CREB5: variants seen among roughly 807,000 people sequenced by gnomAD.
CREB5 encodes cAMP responsive element binding protein 5.
A neutral mutation model predicts 57.1 loss-of-function variants in CREB5; 19 were observed. The ratio of observed to expected loss-of-function variants is 0.33; its 90% CI spans 0.23 to 0.49. The LOEUF (loss-of-function observed/expected upper bound fraction) is 0.49, where lower values mean the gene tolerates loss of function less well. Among genes scored for constraint, CREB5 ranks in the 20% least tolerant of loss-of-function variants. CREB5 has a pLI of 0.99. For synonymous variants in CREB5, 238 were observed against 238.3 expected (o/e 1.00, Z 0.01); for missense variants, 579 against 671.6 (o/e 0.86, Z 1.52).
chr7:28,584,873 T>TA (rs1796253281), intron 5 of CREB5, among the ~76,000 whole-genome samples: 1 of 151,698 alleles, frequency 6.6e-6, no homozygotes, highest in Non-Finnish European at 1.5e-5. Flanking sequence ...CAACTAAAAA[T>TA]AAAAACAAGA....
At chr7:28,672,799 A>G (rs1480974987) in intron 5 of CREB5, among the ~76,000 whole-genome samples, 3 of 152,194 alleles carry the variant, frequency 2.0e-5, no homozygotes, top group Admixed American at 6.5e-5. Flanking sequence ...ACTTCTCCCT[A>G]GTTCAGTTTT....
At chr7:28,540,497 G>A (rs552168401) in intron 4 of CREB5, among the ~76,000 whole-genome samples, 4 of 152,222 alleles carry the variant, frequency 2.6e-5, no homozygotes, top group Non-Finnish European at 2.9e-5. Context: ...CAAGGGATAC[G>A]GGAGGAGGCT....
intron 1 of CREB5, among the ~76,000 whole-genome samples, chr7:28,424,443 G>GA (rs1305686550): frequency 6.6e-6 from 1 of 152,128 alleles, no homozygotes. Flanking sequence ...TAGATCCCTG[G>GA]AAAAACCTGG....
chr7:28,806,175 TACCAATTA>T (rs1808720568), intron 8 of CREB5, among the ~76,000 whole-genome samples: 1 of 152,224 alleles, frequency 6.6e-6, no homozygotes, highest in African/African-American at 2.4e-5. Context: ...ACTAGCTAAT[TACCAATTA>T]GCCAATTGCC....
chr7:28,809,253 C>G lies in CREB5; in HGVS notation c.1093C>G (p.Arg365Gly). The G allele has an allele frequency of 6.2e-7, 1 of 1,614,106 alleles. No individual in the cohort carries two copies. Among genetic ancestry groups the G allele is most frequent in the Non-Finnish European group, 8.5e-7 (1 of 1,180,010 alleles). The change falls in exon 9 of 11, where the codon CGC becomes GGC. Residue 365 changes from arginine to glycine, a missense_variant. Arg to Gly is a moderately radical substitution (Grantham distance 125, BLOSUM62 -2). Transcript: ENST00000357727. ...TIQPPQPTGG[R>G]RRRVVDEDPD... ...ACAGCCACCCCAGCCCACAGGGGGG[C>G]GCCGGCGAAGGGTGGTAGACGAGGA...
intron 1 of CREB5, among the ~76,000 whole-genome samples, chr7:28,365,736 C>T (rs1355569133): frequency 6.6e-6 from 1 of 152,200 alleles, no homozygotes; most frequent in Non-Finnish European, 1.5e-5. Context: ...AATCCAAATG[C>T]ATTCCCATTT....
intron 1 of CREB5, among the ~76,000 whole-genome samples, chr7:28,371,840 C>A (rs1464235184): frequency 2.0e-5 from 3 of 152,002 alleles, no homozygotes; most frequent in Non-Finnish European, 4.4e-5. Flanking sequence ...GCCACCTGAG[C>A]GCTTGTGACT....
chr7:28,790,531 A>G (rs1381119159), intron 7 of CREB5, among the ~76,000 whole-genome samples: 1 of 152,150 alleles, frequency 6.6e-6, no homozygotes, highest in Non-Finnish European at 1.5e-5. Flanking sequence ...AAAGGGAAAA[A>G]CTAGCAGGCA....
At chr7:28,560,849 T>TGCGTGCGCGCGTGC (rs1342485250) in intron 4 of CREB5, among the ~76,000 whole-genome samples, 1 of 87,136 alleles carries the variant, frequency 1.1e-5, no homozygotes, top group East Asian at 3.1e-4. Flanking sequence ...TGTGTGCGCG[T>TGCGTGCGCGCGTGC]GTGTGTGTGC....
intron 7 of CREB5, among the ~76,000 whole-genome samples, chr7:28,730,128 C>T (rs916168463): frequency 1.3e-5 from 2 of 152,188 alleles, no homozygotes; most frequent in African/African-American, 4.8e-5. Flanking sequence ...CTATGTTAAG[C>T]ATCTTGCAAT....
chr7:28,708,701 T>C (rs945001645), intron 5 of CREB5, among the ~76,000 whole-genome samples: 3 of 152,194 alleles, frequency 2.0e-5, no homozygotes, highest in Admixed American at 1.3e-4. Context: ...TATTGGAAGA[T>C]TGTGCTAGGT....
At chr7:28,359,754 C>A (rs981894345) in intron 1 of CREB5, among the ~76,000 whole-genome samples, 1 of 151,522 alleles carries the variant, frequency 6.6e-6, no homozygotes, top group African/African-American at 2.4e-5. Flanking sequence ...TTCTGTACAT[C>A]AAAGAAAACA....
At chr7:28,560,903 C>CGCGT (rs1194605106) in intron 4 of CREB5, among the ~76,000 whole-genome samples, 8 of 26,126 alleles carry the variant, frequency 3.1e-4, no homozygotes, top group Non-Finnish European at 4.8e-4. Context: ...TGTGCGTGCG[C>CGCGT]GCGTGCGTGT....
chr7:28,650,986 T>TAC (rs1799105936), intron 5 of CREB5, among the ~76,000 whole-genome samples: 1 of 152,194 alleles, frequency 6.6e-6, no homozygotes. Flanking sequence ...CTTTTACAGG[T>TAC]TATTTTCAGG....
At chr7:28,542,102 T>G (rs991847097) in intron 4 of CREB5, among the ~76,000 whole-genome samples, 3 of 152,228 alleles carry the variant, frequency 2.0e-5, no homozygotes, top group Admixed American at 2.0e-4. Context: ...AGGGCTTACT[T>G]TGTACCTGGA....
intron 7 of CREB5, among the ~76,000 whole-genome samples, chr7:28,769,171 A>C (rs1806178109): frequency 6.6e-6 from 1 of 152,254 alleles, no homozygotes; most frequent in African/African-American, 2.4e-5. Context: ...TGGATAAATT[A>C]GCTATGCTTT....
chr7:28,481,344 G>T (rs1791324493), intron 1 of CREB5, among the ~76,000 whole-genome samples: 1 of 152,192 alleles, frequency 6.6e-6, no homozygotes, highest in Non-Finnish European at 1.5e-5. Context: ...TTGAAGAACA[G>T]GGATATTCTT....
intron 4 of CREB5, among the ~76,000 whole-genome samples, chr7:28,525,881 C>T (rs150603): frequency 0.82 from 125,178 of 152,104 alleles, 51,610 homozygotes; most frequent in Admixed American, 0.86. Context: ...AATTACTTAG[C>T]TCACAGGATG....
intron 1 of CREB5, among the ~76,000 whole-genome samples, chr7:28,353,154 A>G (rs1436111828): frequency 6.6e-6 from 1 of 151,934 alleles, no homozygotes; most frequent in African/African-American, 2.4e-5. Flanking sequence ...TAATGACGCA[A>G]TCTTGGCTTA....
Sources: gnomAD v4.1 joint callset for allele counts (sites outside exome capture counted in the v4.1 genomes callset) on GRCh38, gnomAD v4.1.1 for gene constraint, MANE v1.5 for transcripts, NCBI Gene and HGNC (gene_info 2026-07-23, HGNC 2026-07-21) for gene names.